The following SV2B variants were observed in gnomAD, a reference collection of about 807,000 sequenced individuals.
SV2B encodes solute carrier family 22 member B2.
A neutral mutation model predicts 73.9 loss-of-function variants in SV2B; 41 were observed. That is an observed-to-expected ratio of 0.56 (90% CI 0.43 to 0.72). The LOEUF is 0.72. Ranked by LOEUF, SV2B falls within the 30% of genes least tolerant of loss-of-function variation. The pLI is 0.00. For missense variants in SV2B, 764 were observed against 857.8 expected (o/e 0.89, Z 1.37); for synonymous variants, 314 against 314.2 (o/e 1.00, Z 0.01).
chr15:91,188,458 C>G (rs867738523), intron 1 of SV2B, among the ~76,000 whole-genome samples: 1 of 152,022 alleles, frequency 6.6e-6, no homozygotes, highest in African/African-American at 2.4e-5. Context: ...GGACTACAGG[C>G]GCCTGCCACC....
At position 91,223,554 on chromosome 15, in the gene SV2B, C is replaced by T. The variant is rs763937385; in HGVS notation, c.-391-2319C>T. 1.3e-4 allele frequency among the ~76,000 whole-genome samples: 20 copies of T among 152,258 alleles called. No individual in the cohort carries two copies. The highest frequency in any genetic ancestry group is 2.4e-4 in the African/African-American group (10 of 41,526). On this transcript the variant is annotated intron_variant, in intron 1 of 12. Coordinates refer to ENST00000394232, the MANE Select transcript of SV2B (RefSeq NM_001323032.3). The surrounding 1 kb of genome is among the most constrained non-coding windows in gnomAD (Gnocchi z 4.6). ...TTGCAAGTCTATCATTTCTGGTTCACGACGTTGTTATAGGGCCCCCAGGAT... is the reference window on the plus strand; with the variant it reads ...TTGCAAGTCTATCATTTCTGGTTCATGACGTTGTTATAGGGCCCCCAGGAT...
intron 1 of SV2B, among the ~76,000 whole-genome samples, chr15:91,187,408 A>G (rs2141338096): frequency 6.6e-6 from 1 of 152,360 alleles, no homozygotes; most frequent in Admixed American, 6.5e-5. Flanking sequence ...CATTCCAACC[A>G]GCTTGCTTAC....
In SV2B at chr15:91,136,193, A is replaced by C. The variant is rs1238570164; in HGVS notation, c.-392+35830A>C. ...AATGCCACTGGTCTCTGATATGCCA[A>C]AGAGGGGCCTGCTGGAGAGAACTTA... On this transcript the variant is annotated intron_variant, in intron 1 of 12. Transcript: ENST00000394232. The surrounding 1 kb of genome is among the most constrained non-coding windows in gnomAD (Gnocchi z 5.6). Among the ~76,000 whole-genome samples the C allele has an allele frequency of 6.6e-6, 1 of 152,210 alleles. No homozygotes were observed. Among genetic ancestry groups the C allele is most frequent in the Non-Finnish European group, 1.5e-5 (1 of 68,030 alleles).
At position 91,140,938 on chromosome 15, in the gene SV2B, G is replaced by A. The variant is rs2042979962; in HGVS notation, c.-392+40575G>A. On this transcript the variant is annotated intron_variant, in intron 1 of 12. Coordinates refer to ENST00000394232, the MANE Select transcript of SV2B (RefSeq NM_001323032.3). The surrounding 1 kb of genome is among the most constrained non-coding windows in gnomAD (Gnocchi z 4.4). ...AGCAAAGAGAAACCACACAGCCTCA[G>A]ATGAACATATGTTAACACTAAGATT... is the stretch of plus-strand genomic sequence containing the variant. Among the ~76,000 whole-genome samples, 3 of 151,898 alleles carry A rather than the reference G, an allele frequency of 2.0e-5. No homozygotes were observed. The highest frequency in any genetic ancestry group is 1.3e-4 in the Admixed American group (2 of 15,222).
Position 91,292,351 on chromosome 15 carries a change from T to A in SV2B, c.1869-18T>A, listed in dbSNP as rs765313510. The A allele has an allele frequency of 2.5e-6, 4 of 1,609,598 alleles. No homozygotes were observed. The East Asian group carries it at 6.7e-5, about 27-fold the overall frequency. On this transcript the variant is annotated intron_variant, in intron 12 of 12. Transcript: ENST00000394232. ...TGTGGTTCAGAATGTCAGAATTATTTCCATTCCTCTTTTACAGAGCAACAG... is the reference window on the plus strand; with the variant it reads ...TGTGGTTCAGAATGTCAGAATTATTACCATTCCTCTTTTACAGAGCAACAG...
At chr15:91,273,113 A>T (rs61680841) in intron 9 of SV2B, among the ~76,000 whole-genome samples, 10,359 of 152,138 alleles carry the variant, frequency 0.068, 400 homozygotes, top group Non-Finnish European at 0.091. Flanking sequence ...GATTACAGTC[A>T]TGAGCCACCA....
intron 1 of SV2B, among the ~76,000 whole-genome samples, chr15:91,131,358 G>C (rs747313561): frequency 1.3e-5 from 2 of 151,540 alleles, no homozygotes; most frequent in Non-Finnish European, 2.9e-5. Context: ...AAGCAGGACT[G>C]GGGGTCAGTC....
rs1487151188 is a variant in SV2B, at chr15:91,124,300, G to A, written c.-392+23937G>A. On this transcript the variant is annotated intron_variant, in intron 1 of 12. Coordinates refer to ENST00000394232, the MANE Select transcript of SV2B (RefSeq NM_001323032.3). The surrounding 1 kb of genome is among the most constrained non-coding windows in gnomAD (Gnocchi z 4.6). ...TAGTTTTTGTGTCTGTGGTGCCAGT[G>A]GTGTTTCCTTCTGTGAGGCACGACT... Among the ~76,000 whole-genome samples, 1 of 152,160 alleles carries A rather than the reference G, an allele frequency of 6.6e-6. No homozygotes were observed. The highest frequency in any genetic ancestry group is 2.4e-5 in the African/African-American group (1 of 41,436).
rs879522473 is a variant in SV2B, at chr15:91,229,808, C to G, written c.451+3094C>G. Among the ~76,000 whole-genome samples, 20 of 152,202 alleles carry G rather than the reference C, an allele frequency of 1.3e-4. No individual in the cohort carries two copies. The highest frequency in any genetic ancestry group is 2.5e-4 in the Non-Finnish European group (17 of 68,034). ...CAGGAACAGATTTTCTCAGGTGAGA[C>G]TGCAAATTTCTTTCAGCCAATGTTT... On this transcript the variant is annotated intron_variant, in intron 2 of 12. Coordinates refer to ENST00000394232, the MANE Select transcript of SV2B (RefSeq NM_001323032.3). The surrounding 1 kb of genome is among the most constrained non-coding windows in gnomAD (Gnocchi z 4.3).
chr15:91,158,994 G>A (rs1215766360), intron 1 of SV2B, among the ~76,000 whole-genome samples: 3 of 151,948 alleles, frequency 2.0e-5, no homozygotes, highest in Admixed American at 2.0e-4. Flanking sequence ...AATGAAATGA[G>A]GCTGCTTAAA....
Position 91,284,541 on chromosome 15 carries a change from A to G in SV2B, c.1708+320A>G, listed in dbSNP as rs1411574645. On this transcript the variant is annotated intron_variant, in intron 11 of 12. Transcript: ENST00000394232. The surrounding 1 kb of genome is among the most constrained non-coding windows in gnomAD (Gnocchi z 4.5). Reference sequence around the variant, plus strand: ...ATCCACCCTGCCTCTTCATCCGATTATTGTCAGAAAAATATATAAAATGCT... The same window carrying G: ...ATCCACCCTGCCTCTTCATCCGATTGTTGTCAGAAAAATATATAAAATGCT... Among the ~76,000 whole-genome samples, 1 of 152,222 alleles carries G rather than the reference A, an allele frequency of 6.6e-6. No homozygotes were observed. Among genetic ancestry groups the G allele is most frequent in the Non-Finnish European group, 1.5e-5 (1 of 68,036 alleles).
intron 1 of SV2B, among the ~76,000 whole-genome samples, chr15:91,179,790 G>A (rs975022030): frequency 6.6e-6 from 1 of 152,104 alleles, no homozygotes; most frequent in African/African-American, 2.4e-5. Flanking sequence ...GTGTGTCTCT[G>A]CCCGTGAGCT....
At position 91,256,436 on chromosome 15, in the gene SV2B, G is replaced by C. The variant is rs184163011; in HGVS notation, c.785-1985G>C. ...TTTTTGAAGCAGAATACTTTATAAAGATGACTGCTTCTGCCCCTCTTCCCT... is the reference window on the plus strand; with the variant it reads ...TTTTTGAAGCAGAATACTTTATAAACATGACTGCTTCTGCCCCTCTTCCCT... On this transcript the variant is annotated intron_variant, in intron 4 of 12. Coordinates refer to ENST00000394232, the MANE Select transcript of SV2B (RefSeq NM_001323032.3). 6.7e-4 allele frequency among the ~76,000 whole-genome samples: 102 copies of C among 152,304 alleles called. 1 individual carries two copies. Among genetic ancestry groups the C allele is most frequent in the Admixed American group, 4.6e-3 (70 of 15,308 alleles).
intron 10 of SV2B, among the ~76,000 whole-genome samples, chr15:91,282,176 C>T (rs563538710): frequency 1.3e-5 from 2 of 152,296 alleles, no homozygotes; most frequent in Admixed American, 6.5e-5. Context: ...CAAAGGATGA[C>T]ACAAATAACA....
intron 1 of SV2B, among the ~76,000 whole-genome samples, chr15:91,146,151 AT>A (rs1163198853): frequency 6.6e-6 from 1 of 152,162 alleles, no homozygotes; most frequent in East Asian, 1.9e-4. Flanking sequence ...CCTTGAGTTA[AT>A]TTTTGTATAT....
At chr15:91,191,269 T>A (rs115953732) in intron 1 of SV2B, among the ~76,000 whole-genome samples, 1 of 151,836 alleles carries the variant, frequency 6.6e-6, no homozygotes, top group African/African-American at 2.4e-5. Context: ...AAAAACTCCC[T>A]CTTTGATCAA....
chr15:91,228,604 C>T (rs914875128), intron 2 of SV2B, among the ~76,000 whole-genome samples: 5 of 152,340 alleles, frequency 3.3e-5, no homozygotes, highest in African/African-American at 9.6e-5. Flanking sequence ...GCCTCATTAA[C>T]AGGGCTGCAG....
chr15:91,141,330 G>T lies in SV2B; in HGVS notation c.-392+40967G>T, dbSNP rs764153003. Among the ~76,000 whole-genome samples the T allele has an allele frequency of 1.3e-5, 2 of 152,272 alleles. No individual in the cohort carries two copies. Among genetic ancestry groups the T allele is most frequent in the Middle Eastern group, 3.4e-3 (1 of 294 alleles). ...TCCAGATTTTTGCTGGCATCATCTA[G>T]GGTGTCTTGCAGAACAGGGCCTTGC... On this transcript the variant is annotated intron_variant, in intron 1 of 12. Coordinates refer to ENST00000394232, the MANE Select transcript of SV2B (RefSeq NM_001323032.3). The surrounding 1 kb of genome is among the most constrained non-coding windows in gnomAD (Gnocchi z 4.6).
chr15:91,249,995 T>C (rs1045746016), intron 2 of SV2B, among the ~76,000 whole-genome samples: 1 of 152,218 alleles, frequency 6.6e-6, no homozygotes, highest in Admixed American at 6.5e-5. Context: ...GGTGAAGGAA[T>C]ATTTACAAAC....
Sources: gnomAD v4.1 joint callset for allele counts (sites outside exome capture counted in the v4.1 genomes callset) on GRCh38, gnomAD v4.1.1 for gene constraint, Gnocchi (gnomAD v3.1) non-coding constraint, MANE v1.5 for transcripts, NCBI Gene and HGNC (gene_info 2026-07-23, HGNC 2026-07-21) for gene names.